PTPRM: variants seen among roughly 807,000 people sequenced by gnomAD.
The protein encoded by PTPRM is receptor-type tyrosine-protein phosphatase mu.
In PTPRM, 47 loss-of-function variants were observed where a neutral mutation model predicts 186.7. The observed-to-expected ratio is 0.25, with a 90% CI of 0.20 to 0.32. The LOEUF is 0.32. Ranked by LOEUF, PTPRM falls within the 10% of genes least tolerant of loss-of-function variation. PTPRM has a pLI of 1.00. For synonymous variants in PTPRM, 668 were observed against 674.9 expected (o/e 0.99, Z 0.16); for missense variants, 1,494 against 1,865.0 (o/e 0.80, Z 3.66).
intron 15 of PTPRM, among the ~76,000 whole-genome samples, chr18:8,245,106 G>A (rs528578056): frequency 1.3e-5 from 2 of 152,312 alleles, no homozygotes; most frequent in Non-Finnish European, 2.9e-5. Flanking sequence ...GCGACTGGGA[G>A]CAGTTTGGAC....
At chr18:8,266,374 A>AG (rs1175976293) in intron 19 of PTPRM, among the ~76,000 whole-genome samples, 1 of 151,666 alleles carries the variant, frequency 6.6e-6, no homozygotes, top group Non-Finnish European at 1.5e-5. Flanking sequence ...AAAAAAAAAA[A>AG]AAAAAGAATC....
chr18:8,011,295 ATC>A (rs1320015995), intron 7 of PTPRM, among the ~76,000 whole-genome samples: 1 of 152,152 alleles, frequency 6.6e-6, no homozygotes, highest in Non-Finnish European at 1.5e-5. Flanking sequence ...AATGTCCCAA[ATC>A]TCTGAAACAG....
rs573156652 is a variant in PTPRM at position 8,258,844 on chromosome 18, T to G, written c.2754+5430T>G. On this transcript the variant is annotated intron_variant, in intron 19 of 32. Coordinates refer to ENST00000580170, the MANE Select transcript of PTPRM (RefSeq NM_001105244.2). Reference sequence around the variant, plus strand: ...AGCTGAAACGTATCAAAGACTGAAGTAACTCTTTGCATCCTATTCTTCAAA... The same window carrying G: ...AGCTGAAACGTATCAAAGACTGAAGGAACTCTTTGCATCCTATTCTTCAAA... Among the ~76,000 whole-genome samples, 99 of 152,122 alleles carry G rather than the reference T, an allele frequency of 6.5e-4. 1 individual carries two copies. In the South Asian group the frequency reaches 0.011, roughly 17 times the overall value.
chr18:7,616,367 C>G (rs1455230847), intron 1 of PTPRM, among the ~76,000 whole-genome samples: 2 of 152,078 alleles, frequency 1.3e-5, no homozygotes, highest in Non-Finnish European at 2.9e-5. Flanking sequence ...ACAGTGTTGC[C>G]CTTGGGGTCT....
chr18:8,385,000 A>T (rs766504814), intron 30 of PTPRM, among the ~76,000 whole-genome samples: 4 of 152,180 alleles, frequency 2.6e-5, no homozygotes, highest in Non-Finnish European at 5.9e-5. Flanking sequence ...TGGCATGGGC[A>T]GGCAGGAATT....
At chr18:8,008,591 T>G (rs2084329462) in intron 7 of PTPRM, among the ~76,000 whole-genome samples, 1 of 152,178 alleles carries the variant, frequency 6.6e-6, no homozygotes, top group Admixed American at 6.5e-5. Context: ...GGTTCAATAA[T>G]GTGGTTGGTT....
At chr18:8,239,471 C>G (rs977227163) in intron 14 of PTPRM, among the ~76,000 whole-genome samples, 8 of 151,946 alleles carry the variant, frequency 5.3e-5, no homozygotes, top group African/African-American at 1.9e-4. Context: ...AGGTAAAACT[C>G]ACAAAACTGT....
chr18:7,644,441 T>C (rs2038514570), intron 1 of PTPRM, among the ~76,000 whole-genome samples: 1 of 152,200 alleles, frequency 6.6e-6, no homozygotes, highest in African/African-American at 2.4e-5. Flanking sequence ...AGTTCTACTA[T>C]GTAGAAGAGT....
rs72909827 is a variant in PTPRM, at chr18:8,098,214, A to G, written c.1856+9363A>G. On this transcript the variant is annotated intron_variant, in intron 11 of 32. Coordinates refer to ENST00000580170, the MANE Select transcript of PTPRM (RefSeq NM_001105244.2). ...ATATATCCCCATCATTAAGTGACTCATGACCATATTTAATGTTGAGAGTGA... is the reference window on the plus strand; with the variant it reads ...ATATATCCCCATCATTAAGTGACTCGTGACCATATTTAATGTTGAGAGTGA... Among the ~76,000 whole-genome samples the G allele has an allele frequency of 7.2e-3, 1,099 of 152,340 alleles. 6 individuals carry two copies. The highest frequency in any genetic ancestry group is 0.01 in the Non-Finnish European group (714 of 68,038).
intron 7 of PTPRM, among the ~76,000 whole-genome samples, chr18:8,054,253 T>G (rs187324391): frequency 1.4e-5 from 2 of 147,204 alleles, no homozygotes; most frequent in Admixed American, 1.4e-4. Context: ...TTACATGTAT[T>G]GTCATTACTA....
chr18:8,400,417 A>G (rs903827799), intron 32 of PTPRM, among the ~76,000 whole-genome samples: 1 of 151,650 alleles, frequency 6.6e-6, no homozygotes, highest in African/African-American at 2.4e-5. Flanking sequence ...CCCACCCCCA[A>G]CTCCCGGGGG....
rs1555616753 is a variant in PTPRM, at chr18:7,842,841, T to TATATATAG, written c.197-45264_197-45263insTATATAGA. 6.7e-5 allele frequency among the ~76,000 whole-genome samples: 9 copies of TATATATAG among 134,538 alleles called. No individual in the cohort carries two copies. In the East Asian group the frequency reaches 1.3e-3, roughly 20 times the overall value. The allele number at this position is 134,538 out of a possible 152,430, so 88.3% of individuals were successfully genotyped here. Reference sequence around the variant, plus strand: ...GTATATATATATGTATATATATATATAGAGAGAGAGAGAGAGAAACATATA... The same window carrying TATATATAG: ...GTATATATATATGTATATATATATATATATATAGAGAGAGAGAGAGAGAGAAACATATA... On this transcript the variant is annotated intron_variant, in intron 2 of 32. Transcript: ENST00000580170.
chr18:7,960,704 G>A (rs142944820), intron 7 of PTPRM, among the ~76,000 whole-genome samples: 3 of 151,900 alleles, frequency 2.0e-5, no homozygotes, highest in Non-Finnish European at 4.4e-5. Context: ...ATTGCAGTGA[G>A]CTGTAATCAC....
rs370497686 is a variant in PTPRM at position 7,732,017 on chromosome 18, T to A, written c.74-42132T>A. ...TTCAATAAGAAAACATTTTCTAACG[T>A]CTTGATAGAAATTATTGGTATAAAA... On this transcript the variant is annotated intron_variant, in intron 1 of 32. Coordinates refer to ENST00000580170, the MANE Select transcript of PTPRM (RefSeq NM_001105244.2). Among the ~76,000 whole-genome samples, 5 of 152,192 alleles carry A rather than the reference T, an allele frequency of 3.3e-5. No individual in the cohort carries two copies. In the East Asian group the frequency reaches 9.6e-4, roughly 29 times the overall value.
chr18:7,840,168 T>C lies in PTPRM; in HGVS notation c.197-47938T>C, dbSNP rs150806239. Among the ~76,000 whole-genome samples the C allele has an allele frequency of 6.8e-3, 1,033 of 152,176 alleles. 11 individuals carry two copies. The highest frequency in any genetic ancestry group is 0.024 in the African/African-American group (985 of 41,520). On this transcript the variant is annotated intron_variant, in intron 2 of 32. Coordinates refer to ENST00000580170, the MANE Select transcript of PTPRM (RefSeq NM_001105244.2). ...GTTTTTCCCACCTCTTCAGTGCCTC[T>C]TTCAGAGATAAGTTAAAACCAGTTA...
At chr18:8,177,633 A>G (rs1348016215) in intron 14 of PTPRM, among the ~76,000 whole-genome samples, 1 of 152,234 alleles carries the variant, frequency 6.6e-6, no homozygotes, top group Non-Finnish European at 1.5e-5. Context: ...TTGCCTCCTC[A>G]GAAGAAAGAA....
chr18:8,068,822 G>C (rs747591511), intron 7 of PTPRM, among the ~76,000 whole-genome samples: 1 of 151,964 alleles, frequency 6.6e-6, no homozygotes, highest in Non-Finnish European at 1.5e-5. Flanking sequence ...TATTTTGGCC[G>C]GGTGTGGTGG....
chr18:7,888,464 A>T lies in PTPRM; in HGVS notation c.468+87A>T. 3.5e-6 allele frequency: 5 copies of T among 1,409,862 alleles called. No individual in the cohort carries two copies. In the South Asian group the frequency reaches 6.2e-5, roughly 17 times the overall value. The allele number at this position is 1,409,862 out of a possible 1,614,324, so 87.3% of individuals were successfully genotyped here. A position where few individuals can be genotyped will look rare whatever the true frequency, so the allele number is the denominator to read the frequency against. On this transcript the variant is annotated intron_variant, in intron 3 of 32. Coordinates refer to ENST00000580170, the MANE Select transcript of PTPRM (RefSeq NM_001105244.2). ...ATTGTTATATCATTATAATCAGAAA[A>T]GGTTGTTGTATTTTTGTTGGCAAGG...
At position 8,037,468 on chromosome 18, in the gene PTPRM, A is replaced by G. The variant is rs115390919; in HGVS notation, c.1133-32218A>G. Among the ~76,000 whole-genome samples, 1,226 of 152,266 alleles carry G rather than the reference A, an allele frequency of 8.1e-3. 15 individuals are homozygous for G. The highest frequency in any genetic ancestry group is 0.028 in the African/African-American group (1,155 of 41,544). On this transcript the variant is annotated intron_variant, in intron 7 of 32. Coordinates refer to ENST00000580170, the MANE Select transcript of PTPRM (RefSeq NM_001105244.2). ...CTGTCCTCCTTCTGTTGCTGATTCA[A>G]CATCTTAAGTGTGAGAAGCCTATAT...
Sources: gnomAD v4.1 joint callset for allele counts (sites outside exome capture counted in the v4.1 genomes callset) on GRCh38, gnomAD v4.1.1 for gene constraint, MANE v1.5 for transcripts, NCBI Gene and HGNC (gene_info 2026-07-23, HGNC 2026-07-21) for gene names.